The following DNAH8 variants were observed in gnomAD, a reference collection of about 807,000 sequenced individuals.
DNAH8 encodes the protein axonemal beta dynein heavy chain 8.
In DNAH8, 382 loss-of-function variants were observed where a neutral mutation model predicts 562.1. That is an observed-to-expected ratio of 0.68 (90% CI 0.63 to 0.74). The LOEUF is 0.74. Among genes scored for constraint, DNAH8 ranks in the 30% least tolerant of loss-of-function variants. DNAH8 has a pLI of 0.00. For missense variants in DNAH8, 5,203 were observed against 5,620.4 expected, an observed-to-expected ratio of 0.93 and a Z score of 2.37; for synonymous variants, 1,881 against 1,919.4, an observed-to-expected ratio of 0.98 and a Z score of 0.52.
Position 38,791,566 on chromosome 6 carries a change from G to C in DNAH8, c.2793G>C (p.Leu931Phe), listed in dbSNP as rs1208591601. The C allele has an allele frequency of 6.2e-7, 1 of 1,610,052 alleles. No individual in the cohort carries two copies. Among genetic ancestry groups the C allele is most frequent in the South Asian group, 1.1e-5 (1 of 89,382 alleles). ...FNQLLKKISDLCEMHIDTVLK... is the reference protein window; with the variant it reads ...FNQLLKKISDFCEMHIDTVLK... The stretch of plus-strand genomic sequence containing the variant: ...TTTCTTCCTTGTAGATCAGTGACTT[G>C]TGTGAAATGCATATTGATACAGTTC... Residue 931 changes from leucine to phenylalanine, a missense_variant, in exon 21 of 93, where the codon TTG becomes TTC. Coordinates refer to ENST00000327475, the MANE Select transcript of DNAH8 (RefSeq NM_001206927.2).
At chr6:38,726,514 G>A (rs1763230873) in intron 3 of DNAH8, among the ~76,000 whole-genome samples, 1 of 152,164 alleles carries the variant, frequency 6.6e-6, no homozygotes, top group African/African-American at 2.4e-5. Flanking sequence ...TACCTTTAAG[G>A]CCATTATGGT....
At chr6:38,980,630 A>C (rs11754911) in intron 85 of DNAH8, among the ~76,000 whole-genome samples, 4,883 of 152,282 alleles carry the variant, frequency 0.032, 113 homozygotes, top group Middle Eastern at 0.051. Flanking sequence ...ACCTTGGATC[A>C]AATTAGCTAA....
chr6:38,849,571 G>GGT lies in DNAH8; in HGVS notation c.5200-680_5200-679insGT, dbSNP rs1562985522. Among the ~76,000 whole-genome samples the GGT allele has an allele frequency of 9.6e-5, 13 of 135,148 alleles. No individual in the cohort carries two copies. The East Asian group carries it at 1.7e-3, about 18-fold the overall frequency. The allele number at this position is 135,148 out of a possible 152,430, so 88.7% of individuals were successfully genotyped here. ...CAAGGATAAAAGAGGTTTTTTTTTT[G>GGT]CTTTTTTTTTTTTTGAAAATGGCCG... On this transcript the variant is annotated intron_variant, in intron 37 of 92. Transcript: ENST00000327475.
Position 38,896,237 on chromosome 6 carries a change from C to T in DNAH8, c.8940+12C>T. On this transcript the variant is annotated intron_variant, in intron 60 of 92. Coordinates refer to ENST00000327475, the MANE Select transcript of DNAH8 (RefSeq NM_001206927.2). The stretch of plus-strand genomic sequence containing the variant: ...AAATATATGAATTGGTATTTATTTT[C>T]ATCTCTTAAAAGAGGTTTTCAGATT... 6.2e-7 allele frequency: 1 copy of T among 1,606,258 alleles called. No homozygotes were observed. Among genetic ancestry groups the T allele is most frequent in the Non-Finnish European group, 8.5e-7 (1 of 1,173,808 alleles).
In DNAH8 at chr6:38,909,578, A is replaced by G. The variant is rs140935840; in HGVS notation, c.9574A>G (p.Met3192Val). The G allele has an allele frequency of 3.9e-4, 625 of 1,614,116 alleles. 2 individuals are homozygous for G. The African/African-American group carries it at 6.6e-3, about 17-fold the overall frequency. ...KFPGLISGCT[M>V]DWFSRWPREA... is the part of the protein sequence containing the mutation. The stretch of plus-strand genomic sequence containing the variant: ...TCCTGGCTTGATATCAGGTTGCACT[A>G]TGGACTGGTTCAGCCGCTGGCCAAG... The change falls in exon 65 of 93, where the codon ATG becomes GTG. Residue 3192 changes from methionine to valine, a missense_variant. Physicochemically the swap from Met to Val is conservative, Grantham distance 21 (BLOSUM62 1). Around this residue, in one of 6 missense-constraint regions of DNAH8, gnomAD observed 977 missense variants for 1,061.8 expected, o/e 0.92. Transcript: ENST00000327475.
intron 25 of DNAH8, among the ~76,000 whole-genome samples, chr6:38,814,708 G>A (rs1448838677): frequency 6.6e-6 from 1 of 152,174 alleles, no homozygotes; most frequent in Admixed American, 6.5e-5. Context: ...TCTTACTTCA[G>A]ACATTAAATT....
chr6:38,885,946 A>G (rs1192117679), intron 56 of DNAH8, among the ~76,000 whole-genome samples: 2 of 152,222 alleles, frequency 1.3e-5, no homozygotes, highest in African/African-American at 2.4e-5. Flanking sequence ...CTATGCTACA[A>G]GAGAGGCTGG....
At chr6:38,852,408 C>G (rs1243110941) in intron 39 of DNAH8, among the ~76,000 whole-genome samples, 1 of 151,816 alleles carries the variant, frequency 6.6e-6, no homozygotes, top group Non-Finnish European at 1.5e-5. Flanking sequence ...AGGGGGGAGG[C>G]GGTGTGGTCC....
chr6:38,978,945 C>T (rs188859000), intron 85 of DNAH8, among the ~76,000 whole-genome samples: 19 of 152,260 alleles, frequency 1.2e-4, no homozygotes, highest in Non-Finnish European at 2.2e-4. Flanking sequence ...ATGGACAGTC[C>T]TCTCCCTTCT....
rs148600774 is a variant in DNAH8 at position 38,887,899 on chromosome 6, C to T, written c.8473+895C>T. ...TCACCCAGGCTGGAGTGCAGTGGCG[C>T]GATCTCAGCTCACTGCAACCGCTGA... On this transcript the variant is annotated intron_variant, in intron 57 of 92. Transcript: ENST00000327475. Among the ~76,000 whole-genome samples the T allele has an allele frequency of 1.4e-3, 199 of 139,128 alleles. 5 individuals carry two copies. The East Asian group carries it at 0.038, about 27-fold the overall frequency. 91.3% of individuals were successfully genotyped at this position (139,128 alleles called of 152,430 possible). A position where few individuals can be genotyped will look rare whatever the true frequency, so the allele number is the denominator to read the frequency against.
intron 82 of DNAH8, among the ~76,000 whole-genome samples, chr6:38,958,693 A>G (rs956018762): frequency 2.0e-4 from 30 of 148,908 alleles, no homozygotes; most frequent in Non-Finnish European, 2.1e-4. Flanking sequence ...TGGCTTCATT[A>G]TGGAATTCTA....
chr6:38,810,743 CAAAA>C (rs1771723826), intron 24 of DNAH8, among the ~76,000 whole-genome samples: 1 of 152,088 alleles, frequency 6.6e-6, no homozygotes, highest in South Asian at 2.1e-4. Flanking sequence ...TGTAAACACT[CAAAA>C]ATAATATATT....
At chr6:38,758,636 G>A (rs2127603948) in intron 10 of DNAH8, among the ~76,000 whole-genome samples, 1 of 151,498 alleles carries the variant, frequency 6.6e-6, no homozygotes, top group East Asian at 2.0e-4. Context: ...TCCAGTTTTT[G>A]TCTATTCAGT....
chr6:38,813,252 G>A (rs1008754151), intron 24 of DNAH8, among the ~76,000 whole-genome samples: 1 of 152,088 alleles, frequency 6.6e-6, no homozygotes, highest in African/African-American at 2.4e-5. Context: ...ATTTCACTGG[G>A]ACACTATGAA....
intron 82 of DNAH8, among the ~76,000 whole-genome samples, chr6:38,959,342 C>T (rs1215621193): frequency 6.6e-6 from 1 of 152,068 alleles, no homozygotes; most frequent in Non-Finnish European, 1.5e-5. Context: ...CAAATTGTCC[C>T]TATTTGTAGA....
chr6:38,757,434 T>G (rs1228474373), intron 10 of DNAH8, among the ~76,000 whole-genome samples: 2 of 151,706 alleles, frequency 1.3e-5, no homozygotes, highest in African/African-American at 4.8e-5. Flanking sequence ...CTTTGTCAGA[T>G]GAGTAGATTG....
intron 7 of DNAH8, among the ~76,000 whole-genome samples, chr6:38,739,704 G>A (rs1203435342): frequency 2.6e-5 from 4 of 152,104 alleles, no homozygotes; most frequent in African/African-American, 4.8e-5. Flanking sequence ...ATGTCCTTGC[G>A]TTTCTCTTCC....
At chr6:38,886,372 CAGTT>C (rs758990459) in intron 56 of DNAH8, among the ~76,000 whole-genome samples, 4 of 152,260 alleles carry the variant, frequency 2.6e-5, no homozygotes, top group Non-Finnish European at 4.4e-5. Flanking sequence ...ACAACCAAAA[CAGTT>C]AGTAATATAA....
chr6:38,762,032 T>C (rs575396040), intron 11 of DNAH8, among the ~76,000 whole-genome samples: 1 of 152,332 alleles, frequency 6.6e-6, no homozygotes, highest in South Asian at 2.1e-4. Context: ...GACTCCTGTG[T>C]GCCATTTCAT....
Sources: allele counts gnomAD v4.1 joint callset (sites outside exome capture counted in the v4.1 genomes callset), GRCh38; gene constraint gnomAD v4.1.1; regional missense constraint gnomAD v4.1.1; transcripts MANE v1.5; gene names NCBI Gene and HGNC (gene_info 2026-07-23, HGNC 2026-07-21).